Variants in ITK observed in about 807,000 individuals in gnomAD.
ITK encodes IL2 inducible T cell kinase, also known as tyrosine-protein kinase ITK/TSK.
ITK carries 45 observed loss-of-function variants against 87.6 expected under a neutral mutation model. The ratio of observed to expected loss-of-function variants is 0.51; its 90% confidence interval spans 0.40 to 0.66. ITK has a LOEUF of 0.66. ITK is among the 30% of genes least tolerant of loss of function. ITK has a pLI of 0.00. For synonymous variants in ITK, 303 were observed against 273.6 expected, an observed-to-expected ratio of 1.11 and a Z score of -1.06; for missense variants, 605 against 766.3, an observed-to-expected ratio of 0.79 and a Z score of 2.48.
intron 2 of ITK, among the ~76,000 whole-genome samples, chr5:157,210,958 T>C (rs1467807379): frequency 6.6e-6 from 1 of 152,062 alleles, no homozygotes; most frequent in African/African-American, 2.4e-5. Context: ...TTCTCTTCCA[T>C]GTGCCAGAAA....
At chr5:157,213,859 G>T (rs990422872) in intron 3 of ITK, among the ~76,000 whole-genome samples, 3 of 152,128 alleles carry the variant, frequency 2.0e-5, no homozygotes, top group Non-Finnish European at 2.9e-5. Context: ...TACCCTTAAG[G>T]CACCTTTGTA....
At chr5:157,228,775 A>G (rs1213303025) in intron 7 of ITK, among the ~76,000 whole-genome samples, 2 of 152,098 alleles carry the variant, frequency 1.3e-5, no homozygotes, top group African/African-American at 4.8e-5. Context: ...CTACAGGCAC[A>G]TGCCACCATG....
intron 1 of ITK, among the ~76,000 whole-genome samples, chr5:157,188,616 GGTTT>G (rs140351891): frequency 0.13 from 20,044 of 151,962 alleles, 1,576 homozygotes; most frequent in African/African-American, 0.21. Flanking sequence ...TTTGCAGGAG[GGTTT>G]GTTTGTTTGC....
intron 1 of ITK, among the ~76,000 whole-genome samples, chr5:157,191,256 G>A (rs967194086): frequency 1.3e-5 from 2 of 151,890 alleles, no homozygotes; most frequent in African/African-American, 4.8e-5. Context: ...CTTTTTTGTG[G>A]CATCCTTCTT....
intron 6 of ITK, among the ~76,000 whole-genome samples, chr5:157,226,337 T>C (rs899048890): frequency 6.6e-6 from 1 of 152,248 alleles, no homozygotes; most frequent in African/African-American, 2.4e-5. Flanking sequence ...ACCATTTGTG[T>C]AGATGACCCA....
chr5:157,181,573 G>T (rs1753519584), intron 1 of ITK, among the ~76,000 whole-genome samples: 1 of 152,164 alleles, frequency 6.6e-6, no homozygotes, highest in African/African-American at 2.4e-5. Flanking sequence ...GTTTAGAATG[G>T]TTAAGTTTTG....
chr5:157,209,273 A>C (rs932779079), intron 2 of ITK, among the ~76,000 whole-genome samples: 2 of 151,526 alleles, frequency 1.3e-5, no homozygotes, highest in Admixed American at 1.3e-4. Flanking sequence ...CAGAGTTTTC[A>C]GTGAGCCAAG....
At chr5:157,194,378 A>G (rs1753812406) in intron 1 of ITK, among the ~76,000 whole-genome samples, 1 of 152,206 alleles carries the variant, frequency 6.6e-6, no homozygotes, top group South Asian at 2.1e-4. Flanking sequence ...AAGATGCTGT[A>G]TCCGCCTCAG....
At chr5:157,207,437 A>G (rs1246566205) in intron 1 of ITK, among the ~76,000 whole-genome samples, 3 of 120,198 alleles carry the variant, frequency 2.5e-5, no homozygotes, top group Non-Finnish European at 4.8e-5. Flanking sequence ...CTGGAGTGCA[A>G]TGGTGCGGTC....
chr5:157,232,211 C>T, intron 7 of ITK, 129 bp from the exon 8 acceptor site: 2 of 687,888 alleles, frequency 2.9e-6, no homozygotes, highest in Admixed American at 2.5e-5. Context: ...AAATAAAATA[C>T]ACTTAAAATT....
Position 157,209,024 on chromosome 5 carries a change from C to T in ITK, c.243+31C>T, listed in dbSNP as rs202114002. On this transcript the variant is annotated intron_variant, in intron 2 of 16. Transcript: ENST00000422843. ...TCCATCAGGTGGGTAGTTCCCCATT[C>T]CCTGGACTGTGGTTAAAATCTTCAG... 135 of 1,395,078 alleles carry T rather than the reference C, an allele frequency of 9.7e-5. No individual in the cohort carries two copies. In the African/African-American group the frequency reaches 1.1e-3, roughly 11 times the overall value. 86.4% of individuals were successfully genotyped at this position (1,395,078 alleles called of 1,614,324 possible).
chr5:157,204,548 A>G (rs939418059), intron 1 of ITK, among the ~76,000 whole-genome samples: 5 of 151,918 alleles, frequency 3.3e-5, no homozygotes, highest in Admixed American at 6.5e-5. Flanking sequence ...AAATACAAAA[A>G]ATTAGCTGGG....
At chr5:157,228,955 A>G (rs1754591960) in intron 7 of ITK, among the ~76,000 whole-genome samples, 1 of 152,212 alleles carries the variant, frequency 6.6e-6, no homozygotes, top group Non-Finnish European at 1.5e-5. Context: ...TCAGATGAGC[A>G]CAGAAGTTGG....
In ITK at chr5:157,247,718, A is replaced by C. The variant is rs2113776962; in HGVS notation, c.1634-1132A>C. ...AAAAACTGGGGGTACCAGCCTAAGC[A>C]ACAGAAACCTGGATGAGCTGAAAAC... On this transcript the variant is annotated intron_variant, in intron 15 of 16. Coordinates refer to ENST00000422843, the MANE Select transcript of ITK (RefSeq NM_005546.4). Among the ~76,000 whole-genome samples, 2 of 152,340 alleles carry C rather than the reference A, an allele frequency of 1.3e-5. 1 individual carries two copies. Among genetic ancestry groups the C allele is most frequent in the Middle Eastern group, 6.8e-3 (2 of 294 alleles).
chr5:157,188,236 A>G (rs576717529), intron 1 of ITK, among the ~76,000 whole-genome samples: 1 of 152,160 alleles, frequency 6.6e-6, no homozygotes, highest in Non-Finnish European at 1.5e-5. Context: ...AGTTTTTTAC[A>G]GTCTGTTATC....
intron 1 of ITK, among the ~76,000 whole-genome samples, chr5:157,188,955 T>C (rs1044464395): frequency 6.6e-6 from 1 of 152,148 alleles, no homozygotes; most frequent in Admixed American, 6.5e-5. Context: ...ATCACCATCA[T>C]CTAAAACAGT....
chr5:157,194,648 A>G (rs1280356899), intron 1 of ITK, among the ~76,000 whole-genome samples: 1 of 152,242 alleles, frequency 6.6e-6, no homozygotes, highest in South Asian at 2.1e-4. Flanking sequence ...GGGTACTATC[A>G]GGAGCACACA....
At chr5:157,232,488 G>GGGA (rs1754677993) in intron 8 of ITK, 94 bp downstream of exon 8, 2 of 861,508 alleles carry the variant, frequency 2.3e-6, no homozygotes, top group Admixed American at 4.0e-5. Flanking sequence ...AGGCCAAGGT[G>GGGA]GGAGGATCAC....
intron 7 of ITK, among the ~76,000 whole-genome samples, chr5:157,229,712 G>A (rs564428275): frequency 3.9e-5 from 6 of 152,308 alleles, no homozygotes; most frequent in Non-Finnish European, 8.8e-5. Flanking sequence ...TCAGGAGTTT[G>A]AGACCAGGCT....
Sources: allele counts gnomAD v4.1 joint callset (sites outside exome capture counted in the v4.1 genomes callset), GRCh38; gene constraint gnomAD v4.1.1; transcripts MANE v1.5; gene names NCBI Gene and HGNC (gene_info 2026-07-23, HGNC 2026-07-21).